KIF27: variants seen among roughly 807,000 people sequenced by gnomAD.
KIF27 encodes the protein kinesin family member 27, also known as kinesin-like protein KIF27.
Under a neutral mutation model 141.8 loss-of-function variants are expected in KIF27, and 84 were observed. The observed-to-expected ratio is 0.59, with a 90% CI of 0.50 to 0.71. The LOEUF (loss-of-function observed/expected upper bound fraction) is 0.71. Among genes scored for constraint, KIF27 ranks in the 30% least tolerant of loss-of-function variants. The pLI is 0.00. For synonymous variants in KIF27, 471 were observed against 569.5 expected, an observed-to-expected ratio of 0.83 and a Z score of 2.46; for missense variants, 1,306 against 1,628.4, an observed-to-expected ratio of 0.80 and a Z score of 3.41.
intron 16 of KIF27, among the ~76,000 whole-genome samples, chr9:83,848,178 C>A (rs1283949509): frequency 5.7e-5 from 2 of 35,398 alleles, no homozygotes. Flanking sequence ...TCTGATATAT[C>A]ATATATGATA....
At chr9:83,867,548 C>A (rs1191898240) in intron 13 of KIF27, 136 bp downstream of exon 13, 6 of 1,124,088 alleles carry the variant, frequency 5.3e-6, no homozygotes, top group Non-Finnish European at 7.0e-6. Flanking sequence ...TCCAATTTCA[C>A]CAGCAGTGTA....
intron 11 of KIF27, among the ~76,000 whole-genome samples, chr9:83,873,955 G>C (rs1314127153): frequency 2.0e-5 from 3 of 151,964 alleles, no homozygotes; most frequent in Non-Finnish European, 4.4e-5. Flanking sequence ...GGGAGGCTGA[G>C]GCAGGAGAAT....
At chr9:83,844,888 G>A (rs1416562606) in intron 16 of KIF27, among the ~76,000 whole-genome samples, 1 of 152,192 alleles carries the variant, frequency 6.6e-6, no homozygotes, top group East Asian at 1.9e-4. Flanking sequence ...ACAATGCCTA[G>A]TGGGCCTATC....
intron 11 of KIF27, among the ~76,000 whole-genome samples, chr9:83,873,227 AG>A (rs951651053): frequency 6.6e-6 from 1 of 152,196 alleles, no homozygotes; most frequent in Non-Finnish European, 1.5e-5. Context: ...CAGATTAGGC[AG>A]GGTAAGGTGG....
At chr9:83,913,789 G>A (rs1315877362) in intron 2 of KIF27, among the ~76,000 whole-genome samples, 5 of 152,014 alleles carry the variant, frequency 3.3e-5, no homozygotes, top group South Asian at 2.1e-4. Flanking sequence ...AGAATCACAG[G>A]TATAATATCT....
chr9:83,887,311 A>G (rs1952196481), intron 8 of KIF27, 115 bp from the exon 9 acceptor site: 1 of 651,046 alleles, frequency 1.5e-6, no homozygotes, highest in Non-Finnish European at 2.4e-6. Context: ...TGGAAGAGAC[A>G]AAAAGGAAGG....
chr9:83,914,841 T>C (rs1955534276), intron 2 of KIF27, among the ~76,000 whole-genome samples: 1 of 152,142 alleles, frequency 6.6e-6, no homozygotes, highest in Non-Finnish European at 1.5e-5. Context: ...AGAAATTATG[T>C]CCTAAAATAT....
At chr9:83,899,461 C>A (rs1418294074) in intron 5 of KIF27, among the ~76,000 whole-genome samples, 200 bp downstream of exon 5, 2 of 152,072 alleles carry the variant, frequency 1.3e-5, no homozygotes, top group Non-Finnish European at 2.9e-5. Flanking sequence ...TTTCTAAAAC[C>A]AAAGTCAGGC....
intron 11 of KIF27, among the ~76,000 whole-genome samples, chr9:83,871,568 C>T (rs1232152951): frequency 6.6e-6 from 1 of 151,752 alleles, no homozygotes; most frequent in Non-Finnish European, 1.5e-5. Flanking sequence ...TGTAGAAATG[C>T]AAAAAGAAAA....
At chr9:83,865,543 C>T (rs1163549115) in intron 13 of KIF27, among the ~76,000 whole-genome samples, 6 of 152,294 alleles carry the variant, frequency 3.9e-5, no homozygotes, top group Admixed American at 6.5e-5. Flanking sequence ...GTGATCTGCC[C>T]GCCTTGGCCT....
chr9:83,872,982 C>T (rs1308010535), intron 11 of KIF27, among the ~76,000 whole-genome samples: 3 of 152,174 alleles, frequency 2.0e-5, no homozygotes, highest in African/African-American at 7.2e-5. Context: ...TCTCAAGTGG[C>T]TTGGATCCTG....
intron 6 of KIF27, among the ~76,000 whole-genome samples, chr9:83,890,677 A>G (rs561824254): frequency 6.6e-6 from 1 of 152,318 alleles, no homozygotes; most frequent in Admixed American, 6.5e-5. Context: ...AACCAGATGG[A>G]TCTCACGTGA....
At chr9:83,850,830 CTTTTTTTTTTTTTTTTT>C (rs202212264) in intron 15 of KIF27, among the ~76,000 whole-genome samples, 1 of 67,504 alleles carries the variant, frequency 1.5e-5, no homozygotes, top group South Asian at 6.2e-4. Context: ...ATGACATTTT[CTTTTTTTTTTTTTTTTT>C]TTTTTTTTTT....
At position 83,842,385 on chromosome 9, in the gene KIF27, G is replaced by A; in HGVS notation, c.3573C>T (p.Gly1191=). 1 of 1,514,208 alleles carries A rather than the reference G, an allele frequency of 6.6e-7. No homozygotes were observed. 93.8% of individuals were successfully genotyped at this position (1,514,208 alleles called of 1,614,324 possible). Residue 1191 remains glycine, a synonymous_variant, in exon 17 of 18, where the codon GGC becomes GGT. Transcript: ENST00000297814. ...LHHFKEQDGE[G]IMETFKTYED... ...CATATGTTTTGAAAGTTTCCATAAT[G>A]CCTTCTCCATCTTGTTCTATACAAC...
intron 1 of KIF27, among the ~76,000 whole-genome samples, 194 bp downstream of exon 1, chr9:83,921,177 G>C (rs1469322554): frequency 1.3e-5 from 2 of 151,670 alleles, no homozygotes; most frequent in African/African-American, 2.4e-5. Flanking sequence ...CGCCCCCATA[G>C]GCCTAGCTGG....
rs549261724 is a variant in KIF27, at chr9:83,835,577, G to T, written c.*1424C>A. ...AACTGGTTTTTAGCAAGGAGACCAAGAAACTCTACTCCCTAGGGGCTAGCA... is the reference window on the plus strand; with the variant it reads ...AACTGGTTTTTAGCAAGGAGACCAATAAACTCTACTCCCTAGGGGCTAGCA... On this transcript the variant is annotated 3_prime_UTR_variant, in exon 18 of 18. Transcript: ENST00000297814. 27 of 152,226 alleles carry T rather than the reference G, an allele frequency of 1.8e-4. No individual in the cohort carries two copies. Among genetic ancestry groups the T allele is most frequent in the Non-Finnish European group, 1.5e-4 (10 of 68,030 alleles). The allele number at this position is 152,226 out of a possible 1,614,324, so 9.4% of individuals were successfully genotyped here. A position where few individuals can be genotyped will look rare whatever the true frequency, so the allele number is the denominator to read the frequency against.
At chr9:83,858,517 C>T (rs1949517024) in intron 14 of KIF27, 1 of 152,082 alleles carries the variant, frequency 6.6e-6, no homozygotes, top group African/African-American at 2.4e-5. Context: ...TGCCAACTGA[C>T]TGAAAATTTT....
chr9:83,888,320 G>A lies in KIF27; in HGVS notation c.2083+169C>T, dbSNP rs189383629. 1.1e-4 allele frequency among the ~76,000 whole-genome samples: 16 copies of A among 152,212 alleles called. No individual in the cohort carries two copies. In the East Asian group the frequency reaches 3.1e-3, roughly 29 times the overall value. ...TCTTTTTTTATTAAGGAGTAAAAGAGTAAAAGAGGTAAAACAGAGAACATA... is the reference window on the plus strand; with the variant it reads ...TCTTTTTTTATTAAGGAGTAAAAGAATAAAAGAGGTAAAACAGAGAACATA... On this transcript the variant is annotated intron_variant, in intron 8 of 17. Coordinates refer to ENST00000297814, the MANE Select transcript of KIF27 (RefSeq NM_017576.4).
Position 83,853,783 on chromosome 9 carries a change from G to T in KIF27, c.3203C>A (p.Ala1068Glu), listed in dbSNP as rs1337254877. The change falls in exon 15 of 18, where the codon GCA (alanine) becomes GAA (glutamate). Residue 1068 changes from alanine to glutamate, a missense_variant. Around this residue, in one of 4 missense-constraint regions of KIF27, gnomAD observed 596 missense variants for 751.6 expected, o/e 0.79. Transcript: ENST00000297814. ...GATACTTTCATTCCTGTATTCAATT[G>T]CAGCTTCCAAAGCTTCAATCCCTTC... ...LEEGIEALEA[A>E]IEYRNESIQN... 6.2e-6 allele frequency: 10 copies of T among 1,613,466 alleles called. No homozygotes were observed. Among genetic ancestry groups the T allele is most frequent in the Non-Finnish European group, 7.6e-6 (9 of 1,179,648 alleles).
Sources: allele counts gnomAD v4.1 joint callset (sites outside exome capture counted in the v4.1 genomes callset), GRCh38; gene constraint gnomAD v4.1.1; regional missense constraint gnomAD v4.1.1; transcripts MANE v1.5; gene names NCBI Gene and HGNC (gene_info 2026-07-23, HGNC 2026-07-21).